Variants in NCK2 observed in about 807,000 individuals in gnomAD.
The protein encoded by NCK2 is NCK adaptor protein 2.
In NCK2, 16 loss-of-function variants were observed where a neutral mutation model predicts 33.9. The observed-to-expected ratio is 0.47, with a 90% CI of 0.32 to 0.72. The LOEUF is 0.72. Ranked by LOEUF, NCK2 falls within the 30% of genes least tolerant of loss-of-function variation. NCK2 has a pLI of 0.03. For synonymous variants in NCK2, 273 were observed against 239.9 expected (o/e 1.14, Z -1.27); for missense variants, 418 against 537.3 (o/e 0.78, Z 2.19).
intron 1 of NCK2, among the ~76,000 whole-genome samples, chr2:105,785,344 G>A (rs1036209802): frequency 2.4e-4 from 37 of 152,154 alleles, no homozygotes; most frequent in African/African-American, 7.0e-4. Context: ...ACCAGAGGAC[G>A]GTTCCCCCGT....
At chr2:105,883,348 CTT>C (rs1379755007) in intron 4 of NCK2, among the ~76,000 whole-genome samples, 1 of 152,178 alleles carries the variant, frequency 6.6e-6, no homozygotes, top group Non-Finnish European at 1.5e-5. Context: ...CGAGCAGAAA[CTT>C]AGAGAAAGCG....
At position 105,762,703 on chromosome 2, in the gene NCK2, A is replaced by C. The variant is rs116254108; in HGVS notation, c.-201+17565A>C. ...GAAATGGTCACTATTTTCCTGTTACATAATAGTGATGCACGTGTGTTGAAA... is the reference window on the plus strand; with the variant it reads ...GAAATGGTCACTATTTTCCTGTTACCTAATAGTGATGCACGTGTGTTGAAA... On this transcript the variant is annotated intron_variant, in intron 1 of 4. Coordinates refer to ENST00000233154, the MANE Select transcript of NCK2 (RefSeq NM_003581.5). Among the ~76,000 whole-genome samples the C allele has an allele frequency of 7.5e-3, 1,147 of 152,346 alleles. 20 individuals are homozygous for C. Among genetic ancestry groups the C allele is most frequent in the African/African-American group, 0.026 (1,062 of 41,566 alleles).
chr2:105,818,636 A>G (rs369281801), intron 2 of NCK2, among the ~76,000 whole-genome samples: 45 of 152,168 alleles, frequency 3.0e-4, no homozygotes, highest in Non-Finnish European at 5.1e-4. Flanking sequence ...CTTTTAGGTG[A>G]TATGTCTTCT....
At chr2:105,791,091 A>C (rs1245469102) in intron 1 of NCK2, among the ~76,000 whole-genome samples, 1 of 152,144 alleles carries the variant, frequency 6.6e-6, no homozygotes, top group African/African-American at 2.4e-5. Flanking sequence ...GAGGGTAGGT[A>C]CTGTATGTGG....
At chr2:105,795,388 A>T (rs1422565622) in intron 1 of NCK2, among the ~76,000 whole-genome samples, 1 of 152,130 alleles carries the variant, frequency 6.6e-6, no homozygotes, top group African/African-American at 2.4e-5. Flanking sequence ...ATTATATGGT[A>T]TATTGTAACT....
chr2:105,830,410 TA>T (rs1472088989), intron 2 of NCK2, among the ~76,000 whole-genome samples: 3 of 152,200 alleles, frequency 2.0e-5, no homozygotes, highest in African/African-American at 7.2e-5. Flanking sequence ...GACAGAATTT[TA>T]TTTTTTTTCT....
intron 1 of NCK2, among the ~76,000 whole-genome samples, chr2:105,748,409 G>A (rs1306409506): frequency 6.6e-6 from 1 of 151,702 alleles, no homozygotes; most frequent in African/African-American, 2.4e-5. Context: ...TTTTAAGGCA[G>A]GGTTTCACCC....
chr2:105,831,897 A>AT (rs1184204303), intron 2 of NCK2, among the ~76,000 whole-genome samples: 1 of 152,142 alleles, frequency 6.6e-6, no homozygotes, highest in Non-Finnish European at 1.5e-5. Context: ...TTGCATACAA[A>AT]TTTTAGGATT....
chr2:105,785,519 G>A (rs1019135871), intron 1 of NCK2, among the ~76,000 whole-genome samples: 18 of 152,254 alleles, frequency 1.2e-4, no homozygotes, highest in Admixed American at 9.8e-4. Context: ...ATCTAATGCA[G>A]CCTGCCCAGT....
chr2:105,818,852 A>G (rs1675611022), intron 2 of NCK2, among the ~76,000 whole-genome samples: 1 of 152,202 alleles, frequency 6.6e-6, no homozygotes, highest in Admixed American at 6.5e-5. Flanking sequence ...CTACTACTAC[A>G]AACACATCTT....
intron 1 of NCK2, among the ~76,000 whole-genome samples, chr2:105,745,410 A>G (rs1003470873): frequency 6.6e-6 from 1 of 151,656 alleles, no homozygotes; most frequent in African/African-American, 2.4e-5. Context: ...CGGGGACGCC[A>G]GCCAAGGGCG....
intron 1 of NCK2, among the ~76,000 whole-genome samples, chr2:105,804,238 AGTT>A (rs1204948101): frequency 6.6e-6 from 1 of 152,230 alleles, no homozygotes; most frequent in African/African-American, 2.4e-5. Context: ...GTGAAGCTGA[AGTT>A]GATCATTTCA....
intron 1 of NCK2, among the ~76,000 whole-genome samples, chr2:105,747,635 C>CT (rs1482916617): frequency 6.6e-6 from 1 of 152,166 alleles, no homozygotes; most frequent in Non-Finnish European, 1.5e-5. Flanking sequence ...AGTAAGCTAA[C>CT]TTTTTTCACA....
At chr2:105,864,419 C>T (rs946972318) in intron 3 of NCK2, among the ~76,000 whole-genome samples, 5 of 152,030 alleles carry the variant, frequency 3.3e-5, no homozygotes, top group African/African-American at 1.2e-4. Flanking sequence ...ATTAGAATGA[C>T]TCAAGAGTTT....
At chr2:105,782,574 G>A (rs138625512) in intron 1 of NCK2, among the ~76,000 whole-genome samples, 1 of 152,302 alleles carries the variant, frequency 6.6e-6, no homozygotes, top group Non-Finnish European at 1.5e-5. Flanking sequence ...CCATGCATAG[G>A]TAGTATGTGG....
chr2:105,860,848 C>A (rs72827111), intron 3 of NCK2, among the ~76,000 whole-genome samples: 2,371 of 148,938 alleles, frequency 0.016, 36 homozygotes, highest in Non-Finnish European at 0.025. Context: ...CCATTCCTTG[C>A]GACTGCAACT....
At chr2:105,856,546 G>A (rs1156638955) in intron 3 of NCK2, 2 of 152,222 alleles carry the variant, frequency 1.3e-5, no homozygotes, top group Admixed American at 6.5e-5. Flanking sequence ...ACCAAATGTG[G>A]TGGGTGTTGC....
intron 1 of NCK2, among the ~76,000 whole-genome samples, chr2:105,789,566 G>A (rs192694690): frequency 6.6e-6 from 1 of 152,316 alleles, no homozygotes; most frequent in African/African-American, 2.4e-5. Flanking sequence ...TTGAAGAGAT[G>A]TTTCCCTGAG....
intron 2 of NCK2, among the ~76,000 whole-genome samples, chr2:105,835,393 A>ATATATATATATATGTGTG: frequency 1.9e-5 from 1 of 51,672 alleles, no homozygotes; most frequent in East Asian, 6.6e-4. Context: ...ATACACATAT[A>ATATATATATATATGTGTG]TATATATATA....
Sources: allele counts gnomAD v4.1 joint callset (sites outside exome capture counted in the v4.1 genomes callset), GRCh38; gene constraint gnomAD v4.1.1; transcripts MANE v1.5; gene names NCBI Gene and HGNC (gene_info 2026-07-23, HGNC 2026-07-21).